Variants in CSMD1 observed in about 807,000 individuals in gnomAD.
CSMD1 encodes the protein CUB and sushi domain-containing protein 1.
In CSMD1, 213 loss-of-function variants were observed where a neutral mutation model predicts 417.5. The observed-to-expected ratio is 0.51, with a 90% CI of 0.46 to 0.57. The LOEUF (loss-of-function observed/expected upper bound fraction) is 0.57, where lower values mean the gene tolerates loss of function less well. Ranked by LOEUF, CSMD1 falls within the 20% of genes least tolerant of loss-of-function variation. CSMD1 has a pLI of 0.00. For synonymous variants in CSMD1, 2,862 were observed against 1,736.8 expected (o/e 1.65, Z -16.11); for missense variants, 6,923 against 4,529.7 (o/e 1.53, Z -15.17).
chr8:4,380,356 C>T (rs905273845), intron 3 of CSMD1, among the ~76,000 whole-genome samples: 1 of 152,190 alleles, frequency 6.6e-6, no homozygotes, highest in South Asian at 2.1e-4. Flanking sequence ...CACTTCACCT[C>T]TAGTTTTCCT....
In CSMD1 at chr8:3,311,798, T is replaced by A. The variant is rs1006952181; in HGVS notation, c.3632-3295A>T. Among the ~76,000 whole-genome samples, 3 of 152,134 alleles carry A rather than the reference T, an allele frequency of 2.0e-5. No individual in the cohort carries two copies. The South Asian group carries it at 6.2e-4, about 32-fold the overall frequency. On this transcript the variant is annotated intron_variant, in intron 23 of 69. Coordinates refer to ENST00000635120, the MANE Select transcript of CSMD1 (RefSeq NM_033225.6). ...GAAGCGTTTATCAATCATAAGAGAT[T>A]TTCTTCACTGGAGACATGTGTAATA...
intron 7 of CSMD1, among the ~76,000 whole-genome samples, chr8:3,662,580 G>A (rs1798475082): frequency 6.6e-6 from 1 of 152,154 alleles, no homozygotes; most frequent in Admixed American, 6.5e-5. Context: ...TAGGTCAAAT[G>A]GTGTTTCTGG....
intron 1 of CSMD1, among the ~76,000 whole-genome samples, chr8:4,731,424 G>C (rs1359562210): frequency 2.6e-5 from 4 of 152,126 alleles, no homozygotes; most frequent in South Asian, 4.1e-4. Flanking sequence ...CCGTATTGGA[G>C]TATCTTGGTC....
chr8:4,044,750 C>T (rs113784966), intron 3 of CSMD1, among the ~76,000 whole-genome samples: 5 of 149,956 alleles, frequency 3.3e-5, no homozygotes, highest in African/African-American at 1.3e-4. Context: ...GGGCATGTAC[C>T]ACCCTGGCCA....
At chr8:3,633,054 G>C (rs1796861558) in intron 7 of CSMD1, among the ~76,000 whole-genome samples, 1 of 152,212 alleles carries the variant, frequency 6.6e-6, no homozygotes, top group African/African-American at 2.4e-5. Context: ...GTTAGAGTCT[G>C]CCCTGTTGAC....
intron 10 of CSMD1, among the ~76,000 whole-genome samples, chr8:3,511,196 C>T (rs1164889540): frequency 6.6e-6 from 1 of 151,488 alleles, no homozygotes; most frequent in African/African-American, 2.4e-5. Context: ...CACAAGGGCA[C>T]AGGAAGGGGA....
Position 2,963,327 on chromosome 8 carries a change from A to C in CSMD1, c.9349T>G (p.Ser3117Ala). Reference protein sequence around the residue: ...TVEGSDFRWGSSISYSCMDGY... With the variant: ...TVEGSDFRWGASISYSCMDGY... ...TCCATGCAGCTGTAACTTATGCTGG[A>C]GCCCCAGCGGAAATCACTTCCCTCC... Residue 3117 changes from serine (S) to alanine (A), a missense_variant, in exon 60 of 70, where the codon TCC (serine) becomes GCC (alanine). Physicochemically the swap from Ser to Ala is moderately conservative, Grantham distance 99. Transcript: ENST00000635120. The C allele has an allele frequency of 6.2e-7, 1 of 1,613,910 alleles. No homozygotes were observed. The highest frequency in any genetic ancestry group is 2.2e-5 in the East Asian group (1 of 44,858).
intron 1 of CSMD1, among the ~76,000 whole-genome samples, chr8:4,891,830 T>C (rs1804143184): frequency 6.6e-6 from 1 of 152,280 alleles, no homozygotes; most frequent in South Asian, 2.1e-4. Flanking sequence ...TTACATTATT[T>C]GTGTAGACTA....
intron 33 of CSMD1, among the ~76,000 whole-genome samples, chr8:3,195,382 G>T (rs150668429): frequency 2.0e-5 from 3 of 152,154 alleles, no homozygotes; most frequent in African/African-American, 7.2e-5. Context: ...TGATTCTAAT[G>T]TTGAAAGACG....
intron 10 of CSMD1, among the ~76,000 whole-genome samples, chr8:3,547,328 G>C (rs900187640): frequency 6.6e-6 from 1 of 152,202 alleles, no homozygotes; most frequent in African/African-American, 2.4e-5. Context: ...CAGTTTCTAA[G>C]TGAGAATGTA....
chr8:3,340,042 G>T (rs1227121154), intron 23 of CSMD1, among the ~76,000 whole-genome samples: 2 of 152,126 alleles, frequency 1.3e-5, no homozygotes, highest in African/African-American at 4.8e-5. Flanking sequence ...AGATACTCTG[G>T]TTTTTCTTCC....
intron 2 of CSMD1, among the ~76,000 whole-genome samples, chr8:4,425,389 A>C (rs1797489775): frequency 6.6e-6 from 1 of 150,932 alleles, no homozygotes; most frequent in African/African-American, 2.5e-5. Flanking sequence ...CAAAAAAAAA[A>C]AAAAAAAATA....
At chr8:4,138,312 A>C (rs1018876934) in intron 3 of CSMD1, among the ~76,000 whole-genome samples, 2 of 151,034 alleles carry the variant, frequency 1.3e-5, no homozygotes, top group East Asian at 3.9e-4. Context: ...CATACACTTC[A>C]GAGTTGAGAT....
intron 15 of CSMD1, among the ~76,000 whole-genome samples, chr8:3,401,884 C>T (rs991496872): frequency 2.0e-4 from 31 of 151,578 alleles, no homozygotes; most frequent in African/African-American, 7.5e-4. Context: ...TGTTCATACT[C>T]ACTTAGCTGA....
chr8:3,507,227 A>G (rs1468064147), intron 10 of CSMD1, among the ~76,000 whole-genome samples: 1 of 152,212 alleles, frequency 6.6e-6, no homozygotes, highest in African/African-American at 2.4e-5. Context: ...TAGGTAACCT[A>G]TACAATATTT....
intron 26 of CSMD1, among the ~76,000 whole-genome samples, chr8:3,263,496 A>T (rs1182901158): frequency 1.3e-5 from 2 of 150,004 alleles, no homozygotes; most frequent in Non-Finnish European, 2.9e-5. Flanking sequence ...AGAGCCTTAT[A>T]ATCAGTTATT....
At chr8:3,760,931 G>A (rs752647840) in intron 5 of CSMD1, among the ~76,000 whole-genome samples, 1 of 151,512 alleles carries the variant, frequency 6.6e-6, no homozygotes, top group Non-Finnish European at 1.5e-5. Flanking sequence ...GTCAATTTGG[G>A]CAGAAAGCCA....
At chr8:4,031,226 G>C (rs146948251) in intron 4 of CSMD1, among the ~76,000 whole-genome samples, 3 of 152,102 alleles carry the variant, frequency 2.0e-5, no homozygotes, top group South Asian at 2.1e-4. Flanking sequence ...TATTGTATTA[G>C]TTCATTTTCA....
chr8:4,636,930 G>A (rs1346592830), intron 2 of CSMD1, among the ~76,000 whole-genome samples: 1 of 152,030 alleles, frequency 6.6e-6, no homozygotes, highest in Admixed American at 6.6e-5. Flanking sequence ...TCTGTAAAAT[G>A]CACCAATCAG....
Sources: allele counts gnomAD v4.1 joint callset (sites outside exome capture counted in the v4.1 genomes callset), GRCh38; gene constraint gnomAD v4.1.1; transcripts MANE v1.5; gene names NCBI Gene and HGNC (gene_info 2026-07-23, HGNC 2026-07-21).